TP73: variants seen among roughly 807,000 people sequenced by gnomAD.
TP73 encodes p53-like transcription factor.
TP73 carries 25 observed loss-of-function variants against 62.5 expected under a neutral mutation model. The ratio of observed to expected loss-of-function variants is 0.40; its 90% CI spans 0.29 to 0.56. The LOEUF is 0.56. Ranked by LOEUF, TP73 falls within the 20% of genes least tolerant of loss-of-function variation. TP73 has a pLI of 0.46. For missense variants in TP73, 754 were observed against 913.3 expected (o/e 0.83, Z 2.25); for synonymous variants, 423 against 377.5 (o/e 1.12, Z -1.40).
intron 3 of TP73, among the ~76,000 whole-genome samples, chr1:3,706,440 AATCAC>A (rs1639651735): frequency 8.6e-6 from 1 of 115,634 alleles, no homozygotes; most frequent in Non-Finnish European, 2.0e-5. Flanking sequence ...TAATAGGGAC[AATCAC>A]GGTGCCCGCC....
rs546203849 is a variant in TP73 at position 3,700,627 on chromosome 1, G to A, written c.187-6922G>A. ...GCCTGGCCAACATGGTGAAACCCCC[G>A]TCTCTACTAAAAATACAAAAATTAG... On this transcript the variant is annotated intron_variant, in intron 3 of 13. Coordinates refer to ENST00000378295, the MANE Select transcript of TP73 (RefSeq NM_005427.4). 1.8e-4 allele frequency among the ~76,000 whole-genome samples: 28 copies of A among 152,046 alleles called. No homozygotes were observed. In the East Asian group the frequency reaches 4.8e-3, roughly 26 times the overall value.
rs1046820722 is a variant in TP73, at chr1:3,701,322, C to T, written c.187-6227C>T. Reference sequence around the variant, plus strand: ...TGTTCCTCGGCGGAGCCTGCCCAGCCGTCGTTCCTCCTGGCTGGGTTTTTG... The same window carrying T: ...TGTTCCTCGGCGGAGCCTGCCCAGCTGTCGTTCCTCCTGGCTGGGTTTTTG... On this transcript the variant is annotated intron_variant, in intron 3 of 13. Transcript: ENST00000378295. This position sits in a 1 kb window ranked among gnomAD's most constrained non-coding sequence, Gnocchi z 4.7. Among the ~76,000 whole-genome samples, 13 of 152,218 alleles carry T rather than the reference C, an allele frequency of 8.5e-5. No homozygotes were observed. Among genetic ancestry groups the T allele is most frequent in the African/African-American group, 1.9e-4 (8 of 41,530 alleles).
At chr1:3,729,476 G>T in intron 10 of TP73, 28 bp downstream of exon 10, 5 of 1,612,098 alleles carry the variant, frequency 3.1e-6, no homozygotes, top group Non-Finnish European at 4.2e-6. Context: ...CACCATCAGT[G>T]TGGGGAAGGA....
Position 3,728,223 on chromosome 1 carries a change from T to G in TP73, c.1074+6T>G. The G allele has an allele frequency of 6.2e-7, 1 of 1,610,626 alleles. No homozygotes were observed. ...AGGACACGTACTACCTTCAGGTGAG[T>G]GTGTGCTCCTGCACGGCAGCCGGGA... On this transcript the variant is annotated splice_donor_region_variant and intron_variant, in intron 9 of 13. Coordinates refer to ENST00000378295, the MANE Select transcript of TP73 (RefSeq NM_005427.4).
intron 9 of TP73, 127 bp from the exon 10 acceptor site, chr1:3,729,200 T>TG: frequency 7.5e-7 from 1 of 1,327,906 alleles, no homozygotes; most frequent in East Asian, 2.3e-5. Flanking sequence ...CCTGAGCCTC[T>TG]GGGGTGCTGG....
intron 1 of TP73, among the ~76,000 whole-genome samples, chr1:3,679,421 C>T (rs1199953391): frequency 1.3e-5 from 2 of 152,156 alleles, no homozygotes; most frequent in African/African-American, 4.8e-5. Context: ...CTCCCTGTCC[C>T]TCTCTCTTTC....
Position 3,722,128 on chromosome 1 carries a change from T to C in TP73, c.537T>C (p.Pro179=), listed in dbSNP as rs1190993526. Residue 179 remains proline (P), a synonymous_variant, in exon 5 of 14, where the codon CCT becomes CCC. Transcript: ENST00000378295. ...PPPGTAIRAM[P]VYKKAEHVTD... ...CAGGCACCGCCATCCGGGCCATGCC[T>C]GTTTACAAGAAAGCGGAGCACGTGA... is the stretch of plus-strand genomic sequence containing the variant. 1 of 1,612,718 alleles carries C rather than the reference T, an allele frequency of 6.2e-7. No individual in the cohort carries two copies. The highest frequency in any genetic ancestry group is 8.5e-7 in the Non-Finnish European group (1 of 1,179,864).
In TP73 at chr1:3,696,594, G is replaced by A. The variant is rs1638681647; in HGVS notation, c.187-10955G>A. Among the ~76,000 whole-genome samples the A allele has an allele frequency of 6.6e-6, 1 of 151,856 alleles. No homozygotes were observed. The highest frequency in any genetic ancestry group is 1.5e-5 in the Non-Finnish European group (1 of 67,982). On this transcript the variant is annotated intron_variant, in intron 3 of 13. Transcript: ENST00000378295. This position sits in a 1 kb window ranked among gnomAD's most constrained non-coding sequence, Gnocchi z 4.1. ...CAGCCTGGGAGGCCAGGAGGCACGA[G>A]AGGCTGGCTGGGAGAACAGAAAAGG... is the stretch of plus-strand genomic sequence containing the variant.
chr1:3,728,558 G>A (rs1051755310), intron 9 of TP73, among the ~76,000 whole-genome samples: 4 of 152,238 alleles, frequency 2.6e-5, no homozygotes, highest in African/African-American at 4.8e-5. Context: ...GCCAGGACCC[G>A]TGGCCACGGC....
At chr1:3,731,116 C>T (rs1457323692) in intron 12 of TP73, 51 bp downstream of exon 12, 6 of 1,584,400 alleles carry the variant, frequency 3.8e-6, no homozygotes, top group Admixed American at 1.7e-5. Context: ...TGTCTGTTCA[C>T]CTCTGTCCTT....
chr1:3,704,786 G>T (rs1010889810), intron 3 of TP73, among the ~76,000 whole-genome samples: 1 of 152,178 alleles, frequency 6.6e-6, no homozygotes, highest in Non-Finnish European at 1.5e-5. Flanking sequence ...ACCAGAGCCT[G>T]GCACTGCCCC....
rs572649890 is a variant in TP73 at position 3,672,922 on chromosome 1, C to T, written c.-33-9411C>T. 3.9e-4 allele frequency among the ~76,000 whole-genome samples: 59 copies of T among 152,332 alleles called. No homozygotes were observed. Among genetic ancestry groups the T allele is most frequent in the African/African-American group, 1.3e-3 (55 of 41,582 alleles). ...CAAACCCTCCTGACCCGCTTACCCC[C>T]AGGAGCACCGCCCACTCCAAGGCGC... On this transcript the variant is annotated intron_variant, in intron 1 of 13. Transcript: ENST00000378295. The surrounding 1 kb of genome is among the most constrained non-coding windows in gnomAD (Gnocchi z 5.3).
intron 3 of TP73, among the ~76,000 whole-genome samples, chr1:3,692,664 G>T (rs190357435): frequency 3.3e-5 from 5 of 152,282 alleles, no homozygotes; most frequent in East Asian, 3.9e-4. Context: ...GGTGGATCCA[G>T]AAGCCTCGGG....
At chr1:3,706,615 G>C (rs926604682) in intron 3 of TP73, among the ~76,000 whole-genome samples, 2 of 152,174 alleles carry the variant, frequency 1.3e-5, no homozygotes, top group African/African-American at 4.8e-5. Context: ...TCTGGATTTG[G>C]AAGGAGGGTC....
In TP73 at chr1:3,730,962, C is replaced by T. The variant is rs2124543424; in HGVS notation, c.1381C>T (p.Pro461Ser). Residue 461 changes from proline (P) to serine (S), a missense_variant, in exon 12 of 14, where the codon CCA becomes TCA. Coordinates refer to ENST00000378295, the MANE Select transcript of TP73 (RefSeq NM_005427.4). ...GCTCAACAACCATGGCCACGCAGTG[C>T]CAGCCAACGGCGAGATGAGCAGCAG... is the stretch of plus-strand genomic sequence containing the variant. ...GMLNNHGHAV[P>S]ANGEMSSSHS... 6.2e-7 allele frequency: 1 copy of T among 1,611,344 alleles called. No homozygotes were observed. Among genetic ancestry groups the T allele is most frequent in the Non-Finnish European group, 8.5e-7 (1 of 1,179,444 alleles).
chr1:3,673,108 C>T (rs559390771), intron 1 of TP73, among the ~76,000 whole-genome samples: 49 of 152,350 alleles, frequency 3.2e-4, no homozygotes, highest in African/African-American at 1.1e-3. Context: ...CACCGGCTGC[C>T]GCTGCAACTG....
chr1:3,732,864 G>A lies in TP73; in HGVS notation c.1696G>A (p.Ala566Thr), dbSNP rs151321774. 19 of 1,611,972 alleles carry A rather than the reference G, an allele frequency of 1.2e-5. No individual in the cohort carries two copies. The highest frequency in any genetic ancestry group is 5.3e-5 in the African/African-American group (4 of 74,928). Residue 566 changes from alanine to threonine, a missense_variant, in exon 14 of 14, where the codon GCG becomes ACG. Ala to Thr is a moderately conservative substitution (Grantham distance 58). Transcript: ENST00000378295. Reference sequence around the variant, plus strand: ...GCAGCAGCTGCTCCGCTCTAGCAACGCGGCCACCATCTCCATCGGCGGCTC... The same window carrying A: ...GCAGCAGCTGCTCCGCTCTAGCAACACGGCCACCATCTCCATCGGCGGCTC... ...TAQQLLRSSN[A>T]ATISIGGSGE...
chr1:3,687,080 A>G (rs1024657044), intron 3 of TP73, among the ~76,000 whole-genome samples: 22 of 152,186 alleles, frequency 1.4e-4, no homozygotes, highest in Non-Finnish European at 2.8e-4. Flanking sequence ...TTTGCCTGGC[A>G]CAGTTCCTGC....
intron 10 of TP73, 125 bp from the exon 11 acceptor site, chr1:3,729,865 CTGGGGGAGGA>C (rs1280942329): frequency 7.8e-7 from 1 of 1,278,384 alleles, no homozygotes; most frequent in African/African-American, 1.5e-5. Flanking sequence ...GACAGGGAGG[CTGGGGGAGGA>C]TGAAGCCACT....
Sources: gnomAD v4.1 joint callset for allele counts (sites outside exome capture counted in the v4.1 genomes callset) on GRCh38, gnomAD v4.1.1 for gene constraint, Gnocchi (gnomAD v3.1) non-coding constraint, MANE v1.5 for transcripts, NCBI Gene and HGNC (gene_info 2026-07-23, HGNC 2026-07-21) for gene names.